NEK10: variants seen among roughly 807,000 people sequenced by gnomAD.
NEK10 encodes NIMA related kinase 10.
In NEK10, 122 loss-of-function variants were observed where a neutral mutation model predicts 159.8. The ratio of observed to expected loss-of-function variants is 0.76; its 90% CI spans 0.66 to 0.89. NEK10 has a LOEUF of 0.89. Ranked by LOEUF, NEK10 falls within the 40% of genes least tolerant of loss-of-function variation. NEK10 has a pLI of 0.00. For synonymous variants in NEK10, 466 were observed against 457.1 expected (o/e 1.02, Z -0.25); for missense variants, 1,342 against 1,323.1 (o/e 1.01, Z -0.22).
At chr3:27,156,937 T>TATAG (rs1945513679) in intron 30 of NEK10, among the ~76,000 whole-genome samples, 1 of 41,074 alleles carries the variant, frequency 2.4e-5, no homozygotes, top group Non-Finnish European at 4.9e-5. Flanking sequence ...CTGATATATA[T>TATAG]ATATATATAT....
At chr3:27,286,079 CT>C (rs35663067) in intron 20 of NEK10, among the ~76,000 whole-genome samples, 6,410 of 57,072 alleles carry the variant, frequency 0.11, 23 homozygotes, top group Admixed American at 0.17. Flanking sequence ...ATTTCCAATT[CT>C]TTTTTTTTTT....
chr3:27,356,654 A>G (rs1411996319), intron 1 of NEK10, among the ~76,000 whole-genome samples: 2 of 152,116 alleles, frequency 1.3e-5, no homozygotes, highest in African/African-American at 4.8e-5. Context: ...TTCTTTTCCC[A>G]TAATCTCACA....
chr3:27,292,645 C>T (rs1035692789), intron 16 of NEK10, among the ~76,000 whole-genome samples: 8 of 151,914 alleles, frequency 5.3e-5, no homozygotes, highest in Middle Eastern at 3.4e-3. Flanking sequence ...ACCAGCCTGG[C>T]CAACGTGGTG....
chr3:27,222,995 A>G (rs1346819705), intron 23 of NEK10, among the ~76,000 whole-genome samples: 1 of 152,160 alleles, frequency 6.6e-6, no homozygotes, highest in Non-Finnish European at 1.5e-5. Context: ...CATTCAAGCT[A>G]TTACTATAAA....
intron 22 of NEK10, among the ~76,000 whole-genome samples, chr3:27,273,329 T>C (rs2041519257): frequency 6.6e-6 from 1 of 152,200 alleles, no homozygotes; most frequent in Admixed American, 6.5e-5. Flanking sequence ...TCTTTTTCGT[T>C]ACCTGAAATG....
At chr3:27,180,073 T>C (rs1357242353) in intron 26 of NEK10, among the ~76,000 whole-genome samples, 1 of 151,064 alleles carries the variant, frequency 6.6e-6, no homozygotes, top group Non-Finnish European at 1.5e-5. Context: ...AGAGCAAGAC[T>C]CTGTCTCAAG....
At chr3:27,186,101 C>G (rs1948594448) in intron 26 of NEK10, among the ~76,000 whole-genome samples, 1 of 152,156 alleles carries the variant, frequency 6.6e-6, no homozygotes, top group African/African-American at 2.4e-5. Flanking sequence ...GCATAAGTAC[C>G]TGTTAGACAT....
chr3:27,285,550 A>C (rs1260855793), intron 20 of NEK10, among the ~76,000 whole-genome samples: 1 of 152,134 alleles, frequency 6.6e-6, no homozygotes, highest in African/African-American at 2.4e-5. Context: ...ACAAACAAAA[A>C]AAAACAAAAC....
chr3:27,290,776 C>A, intron 18 of NEK10, 22 bp from the exon 19 acceptor site: 1 of 1,573,314 alleles, frequency 6.4e-7, no homozygotes, highest in Non-Finnish European at 8.6e-7. Context: ...AAAAACACAA[C>A]AACAACAAAA....
chr3:27,151,673 A>C lies in NEK10; in HGVS notation c.2870-10091T>G, dbSNP rs561580432. ...CAAGAAGAAATCCCTGATTTACCTG[A>C]AAAAGAATTCAGGAGGTTAGTTACT... On this transcript the variant is annotated intron_variant, in intron 30 of 35. Transcript: ENST00000691995. 9.2e-5 allele frequency among the ~76,000 whole-genome samples: 14 copies of C among 152,342 alleles called. No homozygotes were observed. In the East Asian group the frequency reaches 2.7e-3, roughly 29 times the overall value.
In NEK10 at chr3:27,110,697, G is replaced by T. The variant is rs1397014343; in HGVS notation, c.*575C>A. The T allele has an allele frequency of 2.0e-5, 3 of 151,960 alleles. No individual in the cohort carries two copies. The highest frequency in any genetic ancestry group is 1.3e-4 in the Admixed American group (2 of 15,204). 9.4% of individuals were successfully genotyped at this position (151,960 alleles called of 1,614,324 possible). A position where few individuals can be genotyped will look rare whatever the true frequency, so the allele number is the denominator to read the frequency against. On this transcript the variant is annotated 3_prime_UTR_variant, in exon 36 of 36. Transcript: ENST00000691995. Reference sequence around the variant, plus strand: ...ACAGTTCAAGACCACTAGCACCCAAGTGGTTAAGCGAGAACCAACCCATCC... The same window carrying T: ...ACAGTTCAAGACCACTAGCACCCAATTGGTTAAGCGAGAACCAACCCATCC...
At chr3:27,311,584 A>G (rs1351625622) in intron 8 of NEK10, 1 of 164,480 alleles carries the variant, frequency 6.1e-6, no homozygotes, top group Non-Finnish European at 1.3e-5. Flanking sequence ...TGACTCATCA[A>G]AGCTGGAGTG....
intron 30 of NEK10, among the ~76,000 whole-genome samples, chr3:27,146,718 G>A (rs1251486710): frequency 1.3e-5 from 2 of 152,184 alleles, no homozygotes; most frequent in Non-Finnish European, 2.9e-5. Context: ...CATGGATGTA[G>A]GCTAAAGAGC....
Position 27,171,821 on chromosome 3 carries a change from T to C in NEK10, c.2829A>G (p.Thr943=), listed in dbSNP as rs755515301. ...CTAGGAGTTCAATTTGCACCTACCT[T>C]GTTTGGGATTGTCTTTCTCCTCCTG... ...SASGGERQSQ[T]RDFTGGTGSR... Residue 943 remains threonine, a splice_region_variant and synonymous_variant, in exon 29 of 36, where the codon ACA becomes ACG. Transcript: ENST00000691995. 6.2e-7 allele frequency: 1 copy of C among 1,613,748 alleles called. No individual in the cohort carries two copies. The highest frequency in any genetic ancestry group is 8.5e-7 in the Non-Finnish European group (1 of 1,179,876).
chr3:27,255,975 T>C (rs868231139), intron 23 of NEK10, among the ~76,000 whole-genome samples: 21 of 152,156 alleles, frequency 1.4e-4, no homozygotes, highest in South Asian at 6.2e-4. Context: ...TTGGGTAGCA[T>C]ATCTATTACT....
chr3:27,270,819 A>G (rs2041276383), intron 22 of NEK10, among the ~76,000 whole-genome samples: 1 of 151,926 alleles, frequency 6.6e-6, no homozygotes, highest in African/African-American at 2.4e-5. Flanking sequence ...AAACTACTAC[A>G]AGGTCTACAC....
At chr3:27,297,990 T>A in intron 13 of NEK10, among the ~76,000 whole-genome samples, 1 of 152,232 alleles carries the variant, frequency 6.6e-6, no homozygotes, top group East Asian at 1.9e-4. Flanking sequence ...ATACCATGAT[T>A]ATCATCACCA....
At chr3:27,211,717 G>A (rs950177497) in intron 23 of NEK10, among the ~76,000 whole-genome samples, 5 of 152,130 alleles carry the variant, frequency 3.3e-5, no homozygotes, top group African/African-American at 1.2e-4. Flanking sequence ...TATGTGCCAG[G>A]AGCACGTAGT....
chr3:27,231,199 C>T (rs941527658), intron 23 of NEK10, among the ~76,000 whole-genome samples: 3 of 151,848 alleles, frequency 2.0e-5, no homozygotes, highest in African/African-American at 7.2e-5. Context: ...TGGAAATCAA[C>T]TCTAAAAGGA....
Sources: allele counts gnomAD v4.1 joint callset (sites outside exome capture counted in the v4.1 genomes callset), GRCh38; gene constraint gnomAD v4.1.1; transcripts MANE v1.5; gene names NCBI Gene and HGNC (gene_info 2026-07-23, HGNC 2026-07-21).